SIPA1L1: variants seen among roughly 807,000 people sequenced by gnomAD.
SIPA1L1 encodes signal induced proliferation associated 1 like 1.
In SIPA1L1, 26 loss-of-function variants were observed where a neutral mutation model predicts 162.7. That is an observed-to-expected ratio of 0.16 (90% CI 0.12 to 0.22). SIPA1L1 has a LOEUF of 0.22. SIPA1L1 is among the 10% of genes least tolerant of loss of function. The pLI is 1.00. For synonymous variants in SIPA1L1, 829 were observed against 837.4 expected (o/e 0.99, Z 0.17); for missense variants, 1,874 against 2,241.0 (o/e 0.84, Z 3.31).
intron 7 of SIPA1L1, 142 bp from the exon 8 acceptor site, chr14:71,650,193 A>G: frequency 1.2e-6 from 1 of 848,330 alleles, no homozygotes; most frequent in Non-Finnish European, 1.9e-6. Context: ...TTTGGATCAA[A>G]GACGGAAAAT....
At chr14:71,366,978 A>T (rs1030801743) in intron 2 of SIPA1L1, among the ~76,000 whole-genome samples, 7 of 152,216 alleles carry the variant, frequency 4.6e-5, no homozygotes, top group Non-Finnish European at 5.9e-5. Context: ...AAATCGTCAA[A>T]TAACACAAAA....
intron 4 of SIPA1L1, among the ~76,000 whole-genome samples, chr14:71,552,686 G>A (rs2055972088): frequency 6.6e-6 from 1 of 151,974 alleles, no homozygotes; most frequent in South Asian, 2.1e-4. Context: ...CTTTTAAGCT[G>A]GTAATTTATT....
In SIPA1L1 at chr14:71,494,508, A is replaced by ATTTTC. The variant is rs1305303070; in HGVS notation, c.-464-18220_-464-18216dup. On this transcript the variant is annotated intron_variant, in intron 2 of 23. Coordinates refer to ENST00000381232, the MANE Select transcript of SIPA1L1 (RefSeq NM_001386936.1). ...CGTTTGGTCATAGTATCTAATTGAGATTTTCTTTTCTTTTCTTTTTTTTTT... is the reference window on the plus strand; with the variant it reads ...CGTTTGGTCATAGTATCTAATTGAGATTTTCTTTTCTTTTCTTTTCTTTTTTTTTT... 1.4e-3 allele frequency among the ~76,000 whole-genome samples: 198 copies of ATTTTC among 139,020 alleles called. 1 individual carries two copies. The highest frequency in any genetic ancestry group is 2.0e-3 in the Admixed American group (28 of 14,098). 91.2% of individuals were successfully genotyped at this position (139,020 alleles called of 152,430 possible).
chr14:71,348,523 A>G lies in SIPA1L1; in HGVS notation c.-465+27342A>G, dbSNP rs557600701. On this transcript the variant is annotated intron_variant, in intron 2 of 23. Coordinates refer to ENST00000381232, the MANE Select transcript of SIPA1L1 (RefSeq NM_001386936.1). The stretch of plus-strand genomic sequence containing the variant: ...ATGGATGTTTGAGTTTCAGTTTTCA[A>G]CTTCTGGTCATTAGGCCCTTTCTTG... Among the ~76,000 whole-genome samples, 5 of 152,170 alleles carry G rather than the reference A, an allele frequency of 3.3e-5. No homozygotes were observed. In the South Asian group the frequency reaches 1.0e-3, roughly 32 times the overall value.
At chr14:71,630,334 G>A (rs2040443789) in intron 7 of SIPA1L1, among the ~76,000 whole-genome samples, 1 of 152,138 alleles carries the variant, frequency 6.6e-6, no homozygotes, top group Non-Finnish European at 1.5e-5. Flanking sequence ...CTGTTCTTTT[G>A]CCTGGCTGAG....
chr14:71,640,909 G>A (rs983901431), intron 7 of SIPA1L1, among the ~76,000 whole-genome samples: 1 of 152,164 alleles, frequency 6.6e-6, no homozygotes, highest in African/African-American at 2.4e-5. Context: ...ACAGGCATGA[G>A]CCACCACACC....
chr14:71,706,398 T>C (rs2082440364), intron 16 of SIPA1L1, among the ~76,000 whole-genome samples: 1 of 152,322 alleles, frequency 6.6e-6, no homozygotes, highest in East Asian at 1.9e-4. Flanking sequence ...AAATATATTA[T>C]TAAAATTAAT....
At chr14:71,645,968 AGTT>A (rs983334436) in intron 7 of SIPA1L1, among the ~76,000 whole-genome samples, 1 of 152,146 alleles carries the variant, frequency 6.6e-6, no homozygotes, top group African/African-American at 2.4e-5. Flanking sequence ...GTAAGAATTG[AGTT>A]GTTCTCATCG....
intron 2 of SIPA1L1, among the ~76,000 whole-genome samples, chr14:71,423,037 A>C (rs1004304094): frequency 6.6e-6 from 1 of 152,094 alleles, no homozygotes; most frequent in Non-Finnish European, 1.5e-5. Context: ...ATGAGGTGGC[A>C]CCTCGTAATT....
intron 4 of SIPA1L1, among the ~76,000 whole-genome samples, chr14:71,583,015 A>G (rs1354020461): frequency 6.6e-6 from 1 of 152,188 alleles, no homozygotes; most frequent in Non-Finnish European, 1.5e-5. Flanking sequence ...AGTTTGCCTT[A>G]TTTGATTATC....
At chr14:71,697,813 G>T (rs960806696) in intron 13 of SIPA1L1, among the ~76,000 whole-genome samples, 1 of 152,158 alleles carries the variant, frequency 6.6e-6, no homozygotes, top group Non-Finnish European at 1.5e-5. Context: ...GTGGGACAGG[G>T]CCTCTGCCAG....
intron 4 of SIPA1L1, among the ~76,000 whole-genome samples, chr14:71,541,767 T>G (rs1160813350): frequency 1.3e-5 from 2 of 152,160 alleles, no homozygotes; most frequent in African/African-American, 2.4e-5. Context: ...AGTGAAACTC[T>G]GTCTCTGACA....
intron 10 of SIPA1L1, among the ~76,000 whole-genome samples, chr14:71,669,147 G>A (rs547077491): frequency 1.4e-4 from 21 of 152,326 alleles, no homozygotes; most frequent in African/African-American, 4.6e-4. Context: ...ATGCGAAGCT[G>A]ATTTCAGTGC....
At chr14:71,551,944 TAGCC>T (rs1424554730) in intron 4 of SIPA1L1, among the ~76,000 whole-genome samples, 1 of 152,168 alleles carries the variant, frequency 6.6e-6, no homozygotes, top group Non-Finnish European at 1.5e-5. Flanking sequence ...CAGTTTAAAG[TAGCC>T]AGCCAGCCAG....
intron 2 of SIPA1L1, among the ~76,000 whole-genome samples, chr14:71,454,847 C>G (rs1013369233): frequency 6.6e-6 from 1 of 152,178 alleles, no homozygotes; most frequent in Non-Finnish European, 1.5e-5. Context: ...TCTGTCTACC[C>G]GGTGTCACTG....
chr14:71,464,051 A>G (rs1467551080), intron 2 of SIPA1L1, among the ~76,000 whole-genome samples: 8 of 152,212 alleles, frequency 5.3e-5, no homozygotes, highest in Non-Finnish European at 1.0e-4. Flanking sequence ...CATACAGAGA[A>G]GAGCAATTAC....
chr14:71,490,148 A>C (rs1022042033), intron 2 of SIPA1L1, among the ~76,000 whole-genome samples: 1 of 152,220 alleles, frequency 6.6e-6, no homozygotes, highest in African/African-American at 2.4e-5. Context: ...TTATTGCCTA[A>C]AATTTCAACT....
At chr14:71,534,037 C>T (rs1467664392) in intron 4 of SIPA1L1, among the ~76,000 whole-genome samples, 1 of 150,584 alleles carries the variant, frequency 6.6e-6, no homozygotes, top group African/African-American at 2.5e-5. Context: ...CCAGCCTGGG[C>T]AATATAGTGA....
intron 3 of SIPA1L1, among the ~76,000 whole-genome samples, chr14:71,525,696 T>C (rs148067827): frequency 3.3e-5 from 5 of 152,316 alleles, no homozygotes; most frequent in Admixed American, 3.3e-4. Flanking sequence ...TTGGAAGAAA[T>C]TGTTGTACCA....
Sources: allele counts gnomAD v4.1 joint callset (sites outside exome capture counted in the v4.1 genomes callset), GRCh38; gene constraint gnomAD v4.1.1; transcripts MANE v1.5; gene names NCBI Gene and HGNC (gene_info 2026-07-23, HGNC 2026-07-21).